TNS1: variants seen among roughly 807,000 people sequenced by gnomAD.
TNS1 encodes tensin-1.
TNS1 carries 62 observed loss-of-function variants against 168.6 expected under a neutral mutation model. That is an observed-to-expected ratio of 0.37 (90% CI 0.30 to 0.45). The LOEUF (loss-of-function observed/expected upper bound fraction) is 0.45, where lower values mean the gene tolerates loss of function less well. Ranked by LOEUF, TNS1 falls within the 20% of genes least tolerant of loss-of-function variation. The pLI is 1.00. For missense variants in TNS1, 2,240 were observed against 2,339.4 expected, an observed-to-expected ratio of 0.96 and a Z score of 0.88; for synonymous variants, 934 against 933.2, an observed-to-expected ratio of 1.00 and a Z score of -0.02.
At chr2:217,892,897 G>T in intron 11 of TNS1, 51 bp downstream of exon 11, 1 of 1,582,782 alleles carries the variant, frequency 6.3e-7, no homozygotes, top group South Asian at 1.1e-5. Flanking sequence ...TGAGAGGAGG[G>T]GGGTCACACT....
At chr2:217,923,084 C>T (rs1316097719) in intron 3 of TNS1, among the ~76,000 whole-genome samples, 1 of 152,156 alleles carries the variant, frequency 6.6e-6, no homozygotes, top group African/African-American at 2.4e-5. Context: ...CCTGTGGCCC[C>T]ACAGTCCTGG....
intron 18 of TNS1, among the ~76,000 whole-genome samples, chr2:217,860,526 C>T (rs1300693190): frequency 3.9e-5 from 6 of 152,134 alleles, no homozygotes; most frequent in Non-Finnish European, 7.3e-5. Context: ...CAACAAACCT[C>T]GGGCTCTTGA....
intron 18 of TNS1, chr2:217,849,947 C>T: frequency 1.0e-6 from 1 of 984,848 alleles, no homozygotes; most frequent in Non-Finnish European, 1.2e-6. Context: ...GTCTCCAGCT[C>T]AATGCAAAGG....
chr2:217,907,092 C>A, intron 5 of TNS1, 118 bp downstream of exon 5: 1 of 654,034 alleles, frequency 1.5e-6, no homozygotes, highest in South Asian at 1.7e-5. Flanking sequence ...AAATCTACTC[C>A]GGAAGCATTT....
intron 9 of TNS1, among the ~76,000 whole-genome samples, chr2:217,894,350 C>T (rs2125715893): frequency 6.6e-6 from 1 of 152,244 alleles, no homozygotes. Context: ...AGCCCCCGAG[C>T]AAACAGAATA....
intron 1 of TNS1, among the ~76,000 whole-genome samples, chr2:217,999,226 T>C (rs1958519710): frequency 1.3e-5 from 2 of 152,312 alleles, no homozygotes; most frequent in African/African-American, 4.8e-5. Context: ...GCAGATGGGG[T>C]TGGAGTCTTG....
intron 3 of TNS1, among the ~76,000 whole-genome samples, chr2:217,936,003 T>C (rs77848582): frequency 0.01 from 1,599 of 152,296 alleles, 29 homozygotes; most frequent in African/African-American, 0.036. Context: ...AAATTCCCTC[T>C]TCTTCATCAA....
At chr2:218,004,029 C>G (rs1406325398), upstream of TNS1, among the ~76,000 whole-genome samples, 3 of 152,200 alleles carry the variant, frequency 2.0e-5, no homozygotes, top group East Asian at 5.8e-4. Context: ...CTGGAACCAC[C>G]ACGTTCCCCT....
intron 2 of TNS1, among the ~76,000 whole-genome samples, chr2:217,980,144 C>T (rs1255592405): frequency 6.6e-6 from 1 of 152,112 alleles, no homozygotes; most frequent in African/African-American, 2.4e-5. Flanking sequence ...ATCTTCTTCT[C>T]TCAGAACCTA....
rs918949 is a variant in TNS1, at chr2:217,809,974, C to T, written c.5122G>A (p.Val1708Ile). The T allele has an allele frequency of 0.6, 968,145 of 1,613,192 alleles. 293,610 individuals carry two copies. Among genetic ancestry groups the T allele is most frequent in the African/African-American group, 0.78 (58,439 of 74,970 alleles). ...AGTGACTCCATGTCCACAGAGTTGACGAAGAGCACATTGCAGGCTGGAAGA... is the reference window on the plus strand; with the variant it reads ...AGTGACTCCATGTCCACAGAGTTGATGAAGAGCACATTGCAGGCTGGAAGA... ...KQGAACNVLF[V>I]NSVDMESLTG... Residue 1708 changes from valine to isoleucine, a missense_variant, in exon 30 of 33, where the codon GTC becomes ATC. Val to Ile is a conservative substitution (Grantham distance 29, BLOSUM62 3). Transcript: ENST00000682258.
At chr2:217,820,992 G>T (rs1296607684) in intron 23 of TNS1, among the ~76,000 whole-genome samples, 1 of 152,162 alleles carries the variant, frequency 6.6e-6, no homozygotes, top group Non-Finnish European at 1.5e-5. Flanking sequence ...TGTCCTTCTG[G>T]AATGCCCTGT....
Position 217,813,394 on chromosome 2 carries a change from T to C in TNS1, c.4862-87A>G, listed in dbSNP as rs951409147. ...CAAGACTGCTTCAAAACTTCCGCAG[T>C]GTGCGGGGCCAAGATGGGAGAAATG... On this transcript the variant is annotated intron_variant, in intron 26 of 32. Transcript: ENST00000682258. The surrounding 1 kb of genome is among the most constrained non-coding windows in gnomAD (Gnocchi z 4.0). 2.6e-6 allele frequency: 3 copies of C among 1,174,468 alleles called. No homozygotes were observed. In the African/African-American group the frequency reaches 4.6e-5, roughly 18 times the overall value. The allele number at this position is 1,174,468 out of a possible 1,614,324, so 72.8% of individuals were successfully genotyped here. A position where few individuals can be genotyped will look rare whatever the true frequency, so the allele number is the denominator to read the frequency against.
intron 32 of TNS1, among the ~76,000 whole-genome samples, chr2:217,805,519 C>CAG (rs1938549683): frequency 7.6e-4 from 3 of 3,970 alleles, no homozygotes; most frequent in Admixed American, 2.9e-3. Flanking sequence ...ACACACACCA[C>CAG]ACACACCACA....
At chr2:217,960,904 C>T (rs1353089280) in intron 3 of TNS1, among the ~76,000 whole-genome samples, 1 of 152,132 alleles carries the variant, frequency 6.6e-6, no homozygotes, top group Non-Finnish European at 1.5e-5. Flanking sequence ...TACTGAATCA[C>T]GAACCACTCT....
At chr2:217,947,797 G>A (rs1472242894) in intron 3 of TNS1, among the ~76,000 whole-genome samples, 5 of 152,116 alleles carry the variant, frequency 3.3e-5, no homozygotes, top group East Asian at 3.9e-4. Context: ...CTCAGTGGCC[G>A]GGACAGGAAG....
At chr2:217,934,088 C>T (rs1011401253) in intron 3 of TNS1, among the ~76,000 whole-genome samples, 5 of 152,322 alleles carry the variant, frequency 3.3e-5, no homozygotes, top group Non-Finnish European at 7.3e-5. Flanking sequence ...CTGAACCTTA[C>T]AGCGGAGAAA....
At chr2:217,991,919 G>A (rs1449880105) in intron 1 of TNS1, among the ~76,000 whole-genome samples, 1 of 152,054 alleles carries the variant, frequency 6.6e-6, no homozygotes, top group African/African-American at 2.4e-5. Context: ...GCAGGCTGGT[G>A]GCCCAAGCCT....
rs1490381681 is a variant in TNS1, at chr2:217,898,027, C to A, written c.372-58G>T. The A allele has an allele frequency of 1.7e-4, 256 of 1,525,832 alleles. 2 individuals carry two copies. In the East Asian group the frequency reaches 6.1e-3, roughly 36 times the overall value. The allele number at this position is 1,525,832 out of a possible 1,614,324, so 94.5% of individuals were successfully genotyped here. ...TCAGAATCCAGCCCACAGGGAAGGC[C>A]CCAGATAGCTGCACCCCATACACAC... is the stretch of plus-strand genomic sequence containing the variant. On this transcript the variant is annotated intron_variant, in intron 7 of 32. Transcript: ENST00000682258.
At chr2:217,961,294 T>C (rs948697251) in intron 3 of TNS1, among the ~76,000 whole-genome samples, 1 of 148,730 alleles carries the variant, frequency 6.7e-6, no homozygotes, top group African/African-American at 2.5e-5. Flanking sequence ...GAAGCTGTAA[T>C]TCCTGCCTGG....
Sources: gnomAD v4.1 joint callset for allele counts (sites outside exome capture counted in the v4.1 genomes callset) on GRCh38, gnomAD v4.1.1 for gene constraint, Gnocchi (gnomAD v3.1) non-coding constraint, MANE v1.5 for transcripts, NCBI Gene and HGNC (gene_info 2026-07-23, HGNC 2026-07-21) for gene names.